Variants in CCDC181 observed in about 807,000 individuals in gnomAD.
CCDC181 encodes coiled-coil domain-containing protein 181.
A neutral mutation model predicts 58.7 loss-of-function variants in CCDC181; 35 were observed. That is an observed-to-expected ratio of 0.60 (90% CI 0.46 to 0.79). The LOEUF (loss-of-function observed/expected upper bound fraction) is 0.79. Ranked by LOEUF, CCDC181 falls within the 30% of genes least tolerant of loss-of-function variation. The pLI is 0.00. For missense variants in CCDC181, 517 were observed against 583.9 expected (o/e 0.89, Z 1.18); for synonymous variants, 183 against 197.5 (o/e 0.93, Z 0.62).
intron 2 of CCDC181, among the ~76,000 whole-genome samples, chr1:169,424,216 G>A (rs1656617682): frequency 6.6e-6 from 1 of 151,894 alleles, no homozygotes; most frequent in South Asian, 2.1e-4. Context: ...TGCAGGAACT[G>A]GTTAATTTTC....
chr1:169,459,044 AAAAAT>A lies in CCDC181; in HGVS notation c.-24+748_-24+752del, dbSNP rs544585611. Among the ~76,000 whole-genome samples, 119 of 152,208 alleles carry A rather than the reference AAAAAT, an allele frequency of 7.8e-4. 1 individual carries two copies. The East Asian group carries it at 0.02, about 26-fold the overall frequency. On this transcript the variant is annotated intron_variant, in intron 2 of 6. Coordinates refer to the CCDC181 transcript ENST00000545005. ...ATTCTCGTTTGTACAGCAGTGAGTA[AAAAAT>A]AAAATAAAATAAAAAGGGCAATAAT...
intron 4 of CCDC181, among the ~76,000 whole-genome samples, chr1:169,398,040 G>T (rs1655146007): frequency 6.6e-6 from 1 of 151,980 alleles, no homozygotes; most frequent in Non-Finnish European, 1.5e-5. Flanking sequence ...GTCTAATTTA[G>T]AAGATTATTC....
At chr1:169,414,020 A>T (rs192663954) in intron 4 of CCDC181, among the ~76,000 whole-genome samples, 26 of 38,592 alleles carry the variant, frequency 6.7e-4, no homozygotes, top group East Asian at 3.8e-3. Flanking sequence ...AAATATAATT[A>T]AAAAAAATAA....
chr1:169,434,583 A>G (rs917838349), intron 2 of CCDC181, among the ~76,000 whole-genome samples: 11 of 152,064 alleles, frequency 7.2e-5, no homozygotes, highest in African/African-American at 2.2e-4. Context: ...TATATGCACA[A>G]TGGAATATTA....
rs947234498 is a variant in CCDC181 at position 169,424,759 on chromosome 1, T to C, written c.117+52A>G. 6.7e-5 allele frequency: 70 copies of C among 1,048,254 alleles called. 2 individuals carry two copies. The highest frequency in any genetic ancestry group is 3.1e-4 in the Middle Eastern group (1 of 3,236). 64.9% of individuals were successfully genotyped at this position (1,048,254 alleles called of 1,614,324 possible). On this transcript the variant is annotated intron_variant, in intron 2 of 5. Coordinates refer to ENST00000367806, the MANE Select transcript of CCDC181 (RefSeq NM_001300969.2). ...ATAATAATGTGAAAACCTTAAAGAATTGCAAAGCACTTTGTAATATAATTA... is the reference window on the plus strand; with the variant it reads ...ATAATAATGTGAAAACCTTAAAGAACTGCAAAGCACTTTGTAATATAATTA...
chr1:169,397,326 C>G lies in CCDC181; in HGVS notation c.1281G>C (p.Met427Ile). 1 of 1,611,974 alleles carries G rather than the reference C, an allele frequency of 6.2e-7. No homozygotes were observed. The highest frequency in any genetic ancestry group is 8.5e-7 in the Non-Finnish European group (1 of 1,179,086). The change falls in exon 5 of 6, where the codon ATG becomes ATC. Residue 427 changes from methionine to isoleucine, a missense_variant. Physicochemically the swap from Met to Ile is conservative, Grantham distance 10. Transcript: ENST00000367806. ...TTAGTTCTTCTGTCTGTCTTTCTTTCATCTGCTCTTCGTGCTTTTTTTTAA... is the reference window on the plus strand; with the variant it reads ...TTAGTTCTTCTGTCTGTCTTTCTTTGATCTGCTCTTCGTGCTTTTTTTTAA... ...LWLKKKHEEQ[M>I]KERQTEELRK...
At chr1:169,434,381 CA>C (rs1202206897) in intron 2 of CCDC181, among the ~76,000 whole-genome samples, 3 of 151,788 alleles carry the variant, frequency 2.0e-5, no homozygotes, top group Non-Finnish European at 2.9e-5. Flanking sequence ...GGCAATTCCT[CA>C]AAAAATTAAA....
At chr1:169,414,403 T>C (rs1571482782) in intron 4 of CCDC181, among the ~76,000 whole-genome samples, 2 of 152,106 alleles carry the variant, frequency 1.3e-5, no homozygotes, top group East Asian at 1.9e-4. Flanking sequence ...AAGTAATTCA[T>C]AGGAAAAATG....
At chr1:169,421,015 T>C (rs1466222780) in intron 3 of CCDC181, among the ~76,000 whole-genome samples, 6 of 152,192 alleles carry the variant, frequency 3.9e-5, no homozygotes, top group African/African-American at 1.4e-4. Context: ...TGCCTTCATT[T>C]TTCCATCTGA....
At chr1:169,411,127 C>T (rs1655940961) in intron 4 of CCDC181, among the ~76,000 whole-genome samples, 1 of 151,894 alleles carries the variant, frequency 6.6e-6, no homozygotes, top group Non-Finnish European at 1.5e-5. Flanking sequence ...TAACAAAATA[C>T]ATAGACCGCT....
intron 2 of CCDC181, among the ~76,000 whole-genome samples, chr1:169,448,255 C>G (rs543385645): frequency 6.6e-6 from 1 of 152,002 alleles, no homozygotes; most frequent in Admixed American, 6.6e-5. Context: ...AATATTTTAT[C>G]TTCATTTATT....
At chr1:169,403,214 G>A (rs1238134407) in intron 4 of CCDC181, among the ~76,000 whole-genome samples, 3 of 152,108 alleles carry the variant, frequency 2.0e-5, no homozygotes, top group Non-Finnish European at 1.5e-5. Flanking sequence ...TTAATAATGG[G>A]AGACTTTAAC....
chr1:169,432,474 G>T (rs533473831), upstream of CCDC181, among the ~76,000 whole-genome samples: 27 of 152,188 alleles, frequency 1.8e-4, no homozygotes, highest in Non-Finnish European at 3.8e-4. Context: ...ATATGAATAT[G>T]ATCATCACAG....
At chr1:169,398,276 A>G (rs569235822) in intron 4 of CCDC181, among the ~76,000 whole-genome samples, 5 of 152,230 alleles carry the variant, frequency 3.3e-5, no homozygotes, top group Non-Finnish European at 4.4e-5. Context: ...ATATTTCAAA[A>G]TAATGAGGAG....
intron 4 of CCDC181, among the ~76,000 whole-genome samples, chr1:169,415,330 C>A (rs936878092): frequency 6.6e-6 from 1 of 152,204 alleles, no homozygotes. Flanking sequence ...ATCACTACAG[C>A]AATATGCTGT....
chr1:169,415,011 T>C (rs1656147920), intron 4 of CCDC181, among the ~76,000 whole-genome samples: 1 of 152,202 alleles, frequency 6.6e-6, no homozygotes, highest in Non-Finnish European at 1.5e-5. Flanking sequence ...AAGGGAAATA[T>C]ATAACCATGA....
At chr1:169,446,230 G>A (rs2101752442) in intron 2 of CCDC181, among the ~76,000 whole-genome samples, 1 of 152,204 alleles carries the variant, frequency 6.6e-6, no homozygotes, top group East Asian at 1.9e-4. Flanking sequence ...CGGACCATGA[G>A]GTCAAGAGAT....
intron 2 of CCDC181, among the ~76,000 whole-genome samples, chr1:169,439,006 C>G (rs1441670066): frequency 1.3e-5 from 2 of 152,140 alleles, no homozygotes; most frequent in African/African-American, 4.8e-5. Context: ...GGAGAAGTCT[C>G]CTTAACCAAG....
chr1:169,426,448 A>G (rs1207211791), intron 1 of CCDC181, among the ~76,000 whole-genome samples: 1 of 152,166 alleles, frequency 6.6e-6, no homozygotes, highest in Non-Finnish European at 1.5e-5. Context: ...GACCAGCTCT[A>G]CCCTCTTAAT....
Sources: allele counts gnomAD v4.1 joint callset (sites outside exome capture counted in the v4.1 genomes callset), GRCh38; gene constraint gnomAD v4.1.1; transcripts MANE v1.5; gene names NCBI Gene and HGNC (gene_info 2026-07-23, HGNC 2026-07-21).